ZNF423: variants seen among roughly 807,000 people sequenced by gnomAD.
ZNF423 encodes the protein zinc finger protein 423.
A neutral mutation model predicts 95.8 loss-of-function variants in ZNF423; 12 were observed. The observed-to-expected ratio is 0.13, with a 90% CI of 0.08 to 0.20. The LOEUF (loss-of-function observed/expected upper bound fraction) is 0.20, where lower values mean the gene tolerates loss of function less well. Among genes scored for constraint, ZNF423 ranks in the 10% least tolerant of loss-of-function variants. The probability of loss-of-function intolerance (pLI) is 1.00; values close to 1 mark genes in which losing one functional copy is unlikely to be tolerated. For synonymous variants in ZNF423, 749 were observed against 711.9 expected, an observed-to-expected ratio of 1.05 and a Z score of -0.83; for missense variants, 1,316 against 1,737.1, an observed-to-expected ratio of 0.76 and a Z score of 4.31.
intron 1 of ZNF423, among the ~76,000 whole-genome samples, chr16:49,812,755 T>C (rs1221960150): frequency 1.3e-5 from 2 of 152,138 alleles, no homozygotes; most frequent in Non-Finnish European, 2.9e-5. Flanking sequence ...TTTCTCACAG[T>C]CTGGAAAGTG....
intron 3 of ZNF423, among the ~76,000 whole-genome samples, chr16:49,721,614 G>A (rs375008935): frequency 3.3e-5 from 5 of 152,090 alleles, no homozygotes; most frequent in African/African-American, 1.2e-4. Context: ...GCTCATCCCA[G>A]GGGCTTTGTA....
chr16:49,838,213 CCCA>C (rs963469495), intron 1 of ZNF423, among the ~76,000 whole-genome samples: 19 of 152,334 alleles, frequency 1.2e-4, no homozygotes, highest in African/African-American at 4.6e-4. Context: ...AGGCCTCCAG[CCCA>C]CCACGCAGGC....
At chr16:49,771,923 A>G (rs1352962780) in intron 2 of ZNF423, among the ~76,000 whole-genome samples, 1 of 152,220 alleles carries the variant, frequency 6.6e-6, no homozygotes, top group Admixed American at 6.5e-5. Flanking sequence ...CCCAAGAACT[A>G]GAGTCAAGAG....
intron 5 of ZNF423, among the ~76,000 whole-genome samples, chr16:49,565,378 G>A (rs911577546): frequency 6.6e-6 from 1 of 152,148 alleles, no homozygotes; most frequent in Admixed American, 6.5e-5. Context: ...TCACTCTCCT[G>A]ACCCAACTTC....
chr16:49,611,861 C>T (rs754793059), intron 5 of ZNF423, among the ~76,000 whole-genome samples: 1 of 151,922 alleles, frequency 6.6e-6, no homozygotes, highest in African/African-American at 2.4e-5. Flanking sequence ...CTATGAAAAA[C>T]TCTACATACA....
intron 3 of ZNF423, among the ~76,000 whole-genome samples, chr16:49,725,574 G>C (rs2032988342): frequency 6.6e-6 from 1 of 152,206 alleles, no homozygotes; most frequent in Non-Finnish European, 1.5e-5. Flanking sequence ...ATAGTAGGGA[G>C]AGAGATGGGT....
At chr16:49,661,588 A>G (rs2030231958) in intron 3 of ZNF423, among the ~76,000 whole-genome samples, 1 of 152,228 alleles carries the variant, frequency 6.6e-6, no homozygotes, top group African/African-American at 2.4e-5. Context: ...ATGGACCAAC[A>G]GTAAAAAGTG....
intron 5 of ZNF423, among the ~76,000 whole-genome samples, chr16:49,602,966 T>A (rs966693779): frequency 2.6e-4 from 39 of 152,160 alleles, no homozygotes; most frequent in Non-Finnish European, 3.5e-4. Flanking sequence ...GAGCGGAAGC[T>A]TCCCCAGCAG....
intron 5 of ZNF423, among the ~76,000 whole-genome samples, chr16:49,583,865 C>T (rs932693551): frequency 1.3e-5 from 2 of 152,178 alleles, no homozygotes; most frequent in Admixed American, 1.3e-4. Flanking sequence ...TGCTACTTTG[C>T]TAAGTTATAA....
intron 3 of ZNF423, among the ~76,000 whole-genome samples, chr16:49,689,774 A>T (rs2151945085): frequency 6.6e-6 from 1 of 152,294 alleles, no homozygotes; most frequent in East Asian, 1.9e-4. Context: ...CTGAGGAGGC[A>T]TCCAGGCTGG....
chr16:49,857,296 C>T (rs1280518294), upstream of ZNF423, among the ~76,000 whole-genome samples: 1 of 125,442 alleles, frequency 8.0e-6, no homozygotes, highest in Non-Finnish European at 1.7e-5. This position sits in a 1 kb window ranked among gnomAD's most constrained non-coding sequence, Gnocchi z 6.2. Context: ...CCGCAAAACC[C>T]GGACCGTGGT....
At chr16:49,740,719 A>T (rs1596953328) in intron 2 of ZNF423, among the ~76,000 whole-genome samples, 1 of 152,132 alleles carries the variant, frequency 6.6e-6, no homozygotes, top group African/African-American at 2.4e-5. Context: ...ATTGAACCTG[A>T]CCTCGGCTAC....
At chr16:49,847,996 C>T (rs547760508) in intron 1 of ZNF423, among the ~76,000 whole-genome samples, 24 of 151,682 alleles carry the variant, frequency 1.6e-4, no homozygotes, top group Non-Finnish European at 2.9e-4. Context: ...TCTAGCTACT[C>T]GGGAGACTGA....
Position 49,526,264 on chromosome 16 carries a change from G to A in ZNF423, c.3602-770C>T, listed in dbSNP as rs140673742. Among the ~76,000 whole-genome samples, 685 of 152,288 alleles carry A rather than the reference G, an allele frequency of 4.5e-3. 4 individuals carry two copies. Among genetic ancestry groups the A allele is most frequent in the Non-Finnish European group, 8.6e-3 (583 of 68,010 alleles). On this transcript the variant is annotated intron_variant, in intron 5 of 7. Coordinates refer to ENST00000563137, the MANE Select transcript of ZNF423 (RefSeq NM_001379286.1). ...CAGCATGGAAGATACTGCACCAAAC[G>A]CTCTTTTTATTTGCTTTTCTTTTAA...
intron 3 of ZNF423, among the ~76,000 whole-genome samples, chr16:49,677,286 GAGAAGAGAAGAGAAGAGAAGAGAAA>G (rs2031121592): frequency 1.1e-5 from 1 of 87,644 alleles, no homozygotes; most frequent in Non-Finnish European, 2.3e-5. Flanking sequence ...GAGAAGAGAA[GAGAAGAGAAGAGAAGAGAAGAGAAA>G]GGAGGGGAAG....
chr16:49,718,657 G>A (rs377337578), intron 3 of ZNF423, among the ~76,000 whole-genome samples: 314 of 152,264 alleles, frequency 2.1e-3, no homozygotes, highest in African/African-American at 7.4e-3. Context: ...TCTGGAGGCC[G>A]GGAAGTCCAA....
intron 2 of ZNF423, 184 bp from the exon 3 acceptor site, chr16:49,731,155 A>G (rs111574903): frequency 1.0e-5 from 5 of 477,434 alleles, no homozygotes; most frequent in African/African-American, 6.3e-5. Flanking sequence ...CATAATTCTC[A>G]ACCAGATTCT....
chr16:49,664,320 A>G, intron 3 of ZNF423: 2 of 984,046 alleles, frequency 2.0e-6, no homozygotes, highest in Non-Finnish European at 2.4e-6. Flanking sequence ...CGCTTGGCGG[A>G]GGACCCAGCT....
intron 7 of ZNF423, 27 bp downstream of exon 7, chr16:49,523,597 C>T (rs760124856): frequency 2.8e-5 from 44 of 1,586,520 alleles, no homozygotes; most frequent in Admixed American, 6.7e-5. Context: ...CATCAGGCGG[C>T]GTGGTGCAGC....
Sources: allele counts gnomAD v4.1 joint callset (sites outside exome capture counted in the v4.1 genomes callset), GRCh38; gene constraint gnomAD v4.1.1; non-coding constraint Gnocchi (gnomAD v3.1); transcripts MANE v1.5; gene names NCBI Gene and HGNC (gene_info 2026-07-23, HGNC 2026-07-21).